Variants in STX3 observed in about 807,000 individuals in gnomAD.
STX3 encodes the protein syntaxin 3, also known as syntaxin-3.
STX3 carries 19 observed loss-of-function variants against 40.2 expected under a neutral mutation model. The observed-to-expected ratio is 0.47, with a 90% CI of 0.33 to 0.69. The LOEUF is 0.69. STX3 is among the 30% of genes least tolerant of loss of function. The probability of loss-of-function intolerance (pLI) is 0.02; values close to 1 mark genes in which losing one functional copy is unlikely to be tolerated. For synonymous variants in STX3, 122 were observed against 132.2 expected (o/e 0.92, Z 0.53); for missense variants, 364 against 366.7 (o/e 0.99, Z 0.06).
At chr11:59,800,321 C>T (rs1865806439) in intron 10 of STX3, 1 of 985,366 alleles carries the variant, frequency 1.0e-6, no homozygotes, top group Non-Finnish European at 1.2e-6. Flanking sequence ...GCTCTAAGAT[C>T]ATAGTATCCT....
At chr11:59,760,411 GTTTT>G (rs552769203) in intron 1 of STX3, among the ~76,000 whole-genome samples, 28 of 144,382 alleles carry the variant, frequency 1.9e-4, no homozygotes, top group African/African-American at 5.8e-4. Context: ...TAGGTTGTGG[GTTTT>G]TTTTTTTTGT....
Position 59,792,109 on chromosome 11 carries a change from C to G in STX3, c.360C>G (p.His120Gln). ...CTGCATTTTACATCATCCCACAGCACTCTGTCCTTTCTCGGAAGTTTGTGG... is the reference window on the plus strand; with the variant it reads ...CTGCATTTTACATCATCCCACAGCAGTCTGTCCTTTCTCGGAAGTTTGTGG... The part of the protein sequence containing the change: ...SADLRIRKSQ[H>Q]SVLSRKFVEV... The change falls in exon 6 of 11, where the codon CAC becomes CAG. Residue 120 changes from histidine to glutamine, a missense_variant and splice_region_variant. Physicochemically the swap from His to Gln is conservative, Grantham distance 24 (BLOSUM62 0). Coordinates refer to ENST00000337979, the MANE Select transcript of STX3 (RefSeq NM_004177.5). 6.2e-7 allele frequency: 1 copy of G among 1,613,540 alleles called. No individual in the cohort carries two copies. Among genetic ancestry groups the G allele is most frequent in the Non-Finnish European group, 8.5e-7 (1 of 1,179,748 alleles).
chr11:59,800,818 T>C (rs1307374597), intron 10 of STX3, 37 bp from the exon 11 acceptor site: 1 of 1,536,400 alleles, frequency 6.5e-7, no homozygotes, highest in Admixed American at 2.0e-5. Context: ...GCCTTCTTCC[T>C]GTGTACTGAT....
Position 59,801,644 on chromosome 11 carries a change from G to A in STX3, c.*820G>A. 1 of 985,648 alleles carries A rather than the reference G, an allele frequency of 1.0e-6. No individual in the cohort carries two copies. Among genetic ancestry groups the A allele is most frequent in the Non-Finnish European group, 1.2e-6 (1 of 829,940 alleles). 61.1% of individuals were successfully genotyped at this position (985,648 alleles called of 1,614,324 possible). A position where few individuals can be genotyped will look rare whatever the true frequency, so the allele number is the denominator to read the frequency against. ...ATTGTCTTGGGGCCAAAAATAATCA[G>A]GGATTTTAAATTGGGCAAGGGACAA... On this transcript the variant is annotated 3_prime_UTR_variant, in exon 11 of 11. Coordinates refer to ENST00000337979, the MANE Select transcript of STX3 (RefSeq NM_004177.5).
At chr11:59,763,857 A>G (rs961366384) in intron 1 of STX3, among the ~76,000 whole-genome samples, 1 of 152,136 alleles carries the variant, frequency 6.6e-6, no homozygotes, top group African/African-American at 2.4e-5. Flanking sequence ...TGTCTCTACT[A>G]AAAATACAAA....
intron 8 of STX3, among the ~76,000 whole-genome samples, chr11:59,794,327 G>T (rs1865391607): frequency 6.6e-6 from 1 of 152,230 alleles, no homozygotes; most frequent in Non-Finnish European, 1.5e-5. Context: ...GGACAGTTAA[G>T]TGTGCCACAG....
In STX3 at chr11:59,803,375, G is replaced by A; in HGVS notation, c.*2551G>A. The stretch of plus-strand genomic sequence containing the variant: ...TTTGTGTCTTGGGGGCACTCTAGGT[G>A]CCTTAATCTGGGTGGGATTAGGTGC... On this transcript the variant is annotated 3_prime_UTR_variant, in exon 11 of 11. Coordinates refer to ENST00000337979, the MANE Select transcript of STX3 (RefSeq NM_004177.5). 2.1e-6 allele frequency: 2 copies of A among 947,078 alleles called. No homozygotes were observed. Among genetic ancestry groups the A allele is most frequent in the Non-Finnish European group, 2.7e-6 (2 of 728,664 alleles). The allele number at this position is 947,078 out of a possible 1,614,324, so 58.7% of individuals were successfully genotyped here. A position where few individuals can be genotyped will look rare whatever the true frequency, so the allele number is the denominator to read the frequency against.
chr11:59,795,560 G>A, intron 9 of STX3, 78 bp downstream of exon 9: 1 of 1,550,028 alleles, frequency 6.5e-7, no homozygotes, highest in Non-Finnish European at 8.7e-7. Context: ...CCCTCTCCCT[G>A]TCTCTGTTTC....
In STX3 at chr11:59,787,077, A is replaced by G. The variant is rs1230943650; in HGVS notation, c.155A>G (p.His52Arg). 37 of 1,614,068 alleles carry G rather than the reference A, an allele frequency of 2.3e-5. No individual in the cohort carries two copies. Among genetic ancestry groups the G allele is most frequent in the African/African-American group, 2.7e-5 (2 of 74,918 alleles). The change falls in exon 3 of 11, where the codon CAT becomes CGT. Residue 52 changes from histidine (H) to arginine (R), a missense_variant. Physicochemically the swap from His to Arg is conservative, Grantham distance 29. Transcript: ENST00000337979. ...CTTAACATTGACAAGATCTCAGAAC[A>G]TGTAGAGGAGGCTAAGAAACTCTAC... ...TRLNIDKISE[H>R]VEEAKKLYSI...
chr11:59,761,927 C>T (rs1474668748), intron 1 of STX3, among the ~76,000 whole-genome samples: 3 of 152,098 alleles, frequency 2.0e-5, no homozygotes, highest in African/African-American at 7.2e-5. Context: ...GGTTCCCTCA[C>T]TTGGTCTCAT....
chr11:59,787,009 A>G (rs369199565), intron 2 of STX3, 28 bp from the exon 3 acceptor site: 3 of 1,594,430 alleles, frequency 1.9e-6, no homozygotes, highest in African/African-American at 1.3e-5. Context: ...CTCTTTGATG[A>G]TGAAGGTTAT....
In STX3 at chr11:59,755,628, T is replaced by C. The variant is rs1050352983; in HGVS notation, c.23T>C (p.Leu8Pro). The C allele has an allele frequency of 6.3e-7, 1 of 1,594,218 alleles. No individual in the cohort carries two copies. Among genetic ancestry groups the C allele is most frequent in the Non-Finnish European group, 8.5e-7 (1 of 1,176,170 alleles). The change falls in exon 1 of 11, where the codon CTG (leucine) becomes CCG (proline). Residue 8 changes from leucine (L) to proline (P), a missense_variant. Physicochemically the swap from Leu to Pro is moderately conservative, Grantham distance 98 (BLOSUM62 -3). Transcript: ENST00000337979. The stretch of plus-strand genomic sequence containing the variant: ...AGGATGAAGGACCGTCTGGAGCAGC[T>C]GAAGGCCGTGAGTTTCGCCGCAGGC... Reference protein sequence around the residue: MKDRLEQLKAKQLTQDDD... With the variant: MKDRLEQPKAKQLTQDDD...
At chr11:59,789,025 T>A in intron 4 of STX3, 78 bp downstream of exon 4, 1 of 1,307,512 alleles carries the variant, frequency 7.6e-7, no homozygotes, top group Non-Finnish European at 1.1e-6. Flanking sequence ...CTTTCCGAAC[T>A]GAAACTCCTC....
chr11:59,785,771 T>C (rs1864722624), intron 2 of STX3, among the ~76,000 whole-genome samples: 1 of 152,242 alleles, frequency 6.6e-6, no homozygotes, highest in South Asian at 2.1e-4. Flanking sequence ...GATCCTACTG[T>C]ATGACATTTT....
chr11:59,768,950 A>G (rs568053101), intron 1 of STX3, among the ~76,000 whole-genome samples: 27 of 152,172 alleles, frequency 1.8e-4, no homozygotes, highest in African/African-American at 1.9e-4. Context: ...ACATGGCTCT[A>G]TTGCATAGTA....
rs942903231 is a variant in STX3, at chr11:59,805,218, C to T, written c.*4394C>T. The T allele has an allele frequency of 2.3e-5, 3 of 133,282 alleles. No homozygotes were observed. The highest frequency in any genetic ancestry group is 4.6e-5 in the Non-Finnish European group (3 of 65,462). 8.3% of individuals were successfully genotyped at this position (133,282 alleles called of 1,614,324 possible). On this transcript the variant is annotated 3_prime_UTR_variant, in exon 11 of 11. Transcript: ENST00000337979. The stretch of plus-strand genomic sequence containing the variant: ...CAAAAAAAAAAAACTGTTCTTAATA[C>T]TTAATACTGTCCCCAATTCCATTCA...
intron 10 of STX3, chr11:59,800,400 G>A (rs1865815196): frequency 1.0e-6 from 1 of 985,248 alleles, no homozygotes; most frequent in South Asian, 4.7e-5. Context: ...TCATAAGGTG[G>A]AGCAGCCATA....
chr11:59,755,619 T>G lies in STX3; in HGVS notation c.14T>G (p.Leu5Arg), dbSNP rs925561481. 6.3e-7 allele frequency: 1 copy of G among 1,595,178 alleles called. No individual in the cohort carries two copies. Among genetic ancestry groups the G allele is most frequent in the African/African-American group, 1.3e-5 (1 of 74,212 alleles). ...CTGGGCTTCAGGATGAAGGACCGTC[T>G]GGAGCAGCTGAAGGCCGTGAGTTTC... is the stretch of plus-strand genomic sequence containing the variant. MKDR[L>R]EQLKAKQLTQ... is the part of the protein sequence containing the mutation. Residue 5 changes from leucine to arginine, a missense_variant, in exon 1 of 11, where the codon CTG (leucine) becomes CGG (arginine). By Grantham distance (102) the Leu-to-Arg change is moderately radical (BLOSUM62 -2). Coordinates refer to ENST00000337979, the MANE Select transcript of STX3 (RefSeq NM_004177.5).
chr11:59,794,890 C>T (rs1274396692), intron 8 of STX3, among the ~76,000 whole-genome samples: 1 of 152,168 alleles, frequency 6.6e-6, no homozygotes, highest in Admixed American at 6.5e-5. Context: ...TATTGAGCAC[C>T]TACTGTGTGC....
Sources: gnomAD v4.1 joint callset for allele counts (sites outside exome capture counted in the v4.1 genomes callset) on GRCh38, gnomAD v4.1.1 for gene constraint, MANE v1.5 for transcripts, NCBI Gene and HGNC (gene_info 2026-07-23, HGNC 2026-07-21) for gene names.